The following UBAP2 variants were observed in gnomAD, a reference collection of about 807,000 sequenced individuals.
UBAP2 encodes the protein ubiquitin-associated protein 2.
Under a neutral mutation model 139.6 loss-of-function variants are expected in UBAP2, and 75 were observed. That is an observed-to-expected ratio of 0.54 (90% CI 0.45 to 0.65). The LOEUF (loss-of-function observed/expected upper bound fraction) is 0.65. Among genes scored for constraint, UBAP2 ranks in the 30% least tolerant of loss-of-function variants. The pLI is 0.00. For synonymous variants in UBAP2, 526 were observed against 526.2 expected (o/e 1.00, Z 0.01); for missense variants, 1,368 against 1,369.6 (o/e 1.00, Z 0.02).
At chr9:34,035,563 AT>A (rs1410789645) in intron 1 of UBAP2, among the ~76,000 whole-genome samples, 3 of 134,856 alleles carry the variant, frequency 2.2e-5, no homozygotes, top group African/African-American at 8.0e-5. Flanking sequence ...CGTGCCTGTA[AT>A]TCCAACTACT....
At chr9:33,984,934 C>T (rs1821076167) in intron 6 of UBAP2, among the ~76,000 whole-genome samples, 1 of 152,152 alleles carries the variant, frequency 6.6e-6, no homozygotes, top group African/African-American at 2.4e-5. Context: ...ATGATCATGA[C>T]ACTGCATTTA....
intron 16 of UBAP2, among the ~76,000 whole-genome samples, chr9:33,938,019 A>G (rs1824749543): frequency 6.6e-6 from 1 of 152,042 alleles, no homozygotes; most frequent in South Asian, 2.1e-4. Flanking sequence ...TTGTTTTGAG[A>G]CAGTGTCTGG....
intron 5 of UBAP2, among the ~76,000 whole-genome samples, chr9:33,987,918 C>T (rs899598870): frequency 2.6e-5 from 4 of 152,234 alleles, no homozygotes; most frequent in Admixed American, 6.5e-5. Context: ...GATGCCAACA[C>T]GCAGTCTTTT....
intron 1 of UBAP2, among the ~76,000 whole-genome samples, chr9:34,025,500 GAT>G (rs1423286148): frequency 6.6e-6 from 1 of 152,136 alleles, no homozygotes; most frequent in Middle Eastern, 3.2e-3. Flanking sequence ...GTGAATTAAA[GAT>G]GTGATAGATT....
rs56410139 is a variant in UBAP2, at chr9:33,938,603, C to G, written c.1930-2725G>C. On this transcript the variant is annotated intron_variant, in intron 16 of 28. Transcript: ENST00000379238. ...CCTGAGGTCAGGAGTTCGAGACCAGCCTGGGCAACATGGTGAAACCCTGTC... is the reference window on the plus strand; with the variant it reads ...CCTGAGGTCAGGAGTTCGAGACCAGGCTGGGCAACATGGTGAAACCCTGTC... 2.5e-4 allele frequency among the ~76,000 whole-genome samples: 38 copies of G among 152,152 alleles called. 1 individual carries two copies. Among genetic ancestry groups the G allele is most frequent in the African/African-American group, 8.7e-4 (36 of 41,524 alleles).
At chr9:33,976,502 G>A (rs1205931417) in intron 6 of UBAP2, among the ~76,000 whole-genome samples, 2 of 152,126 alleles carry the variant, frequency 1.3e-5, no homozygotes, top group Non-Finnish European at 2.9e-5. Context: ...GAAACAGAAA[G>A]GCGATTACTG....
intron 2 of UBAP2, among the ~76,000 whole-genome samples, chr9:34,000,262 GCAC>G (rs1396283829): frequency 2.6e-5 from 4 of 152,076 alleles, no homozygotes; most frequent in African/African-American, 4.8e-5. Flanking sequence ...CTACAGGTGC[GCAC>G]CACCACATCT....
At chr9:34,030,567 A>G (rs1044222879) in intron 1 of UBAP2, among the ~76,000 whole-genome samples, 2 of 152,148 alleles carry the variant, frequency 1.3e-5, no homozygotes, top group Admixed American at 6.6e-5. Context: ...AGGCTGCAGT[A>G]TGCCGTGATC....
At chr9:33,940,778 TC>T (rs1296315530) in intron 16 of UBAP2, among the ~76,000 whole-genome samples, 2 of 152,036 alleles carry the variant, frequency 1.3e-5, no homozygotes, top group Admixed American at 1.3e-4. Flanking sequence ...GAACCTGTAC[TC>T]CCCCAAAAAA....
At chr9:33,936,096 C>G (rs1020790082) in intron 16 of UBAP2, among the ~76,000 whole-genome samples, 1 of 152,220 alleles carries the variant, frequency 6.6e-6, no homozygotes, top group Admixed American at 6.5e-5. Context: ...TGATCCTCCC[C>G]CTTAGCCTGC....
chr9:33,986,796 T>C lies in UBAP2; in HGVS notation c.484A>G (p.Lys162Glu). The change falls in exon 6 of 29, where the codon AAA becomes GAA. Residue 162 changes from lysine to glutamate, a missense_variant. Transcript: ENST00000379238. ...ENGIDCNQVD[K>E]PSDRGKRARG... ...GCTCGCTTGCCACGATCTGAAGGTTTGTCCACTTGATTGCAATCAATTCCA... is the reference window on the plus strand; with the variant it reads ...GCTCGCTTGCCACGATCTGAAGGTTCGTCCACTTGATTGCAATCAATTCCA... 6.2e-7 allele frequency: 1 copy of C among 1,614,180 alleles called. No homozygotes were observed. The highest frequency in any genetic ancestry group is 8.5e-7 in the Non-Finnish European group (1 of 1,180,034).
At chr9:33,969,565 GAA>G (rs34707704) in intron 8 of UBAP2, among the ~76,000 whole-genome samples, 47,831 of 148,368 alleles carry the variant, frequency 0.32, 8,226 homozygotes, top group African/African-American at 0.46. Context: ...AAAAAAAAAA[GAA>G]AGAAAGAAAG....
intron 11 of UBAP2, among the ~76,000 whole-genome samples, chr9:33,954,526 T>C (rs527416024): frequency 3.9e-5 from 6 of 152,212 alleles, no homozygotes; most frequent in African/African-American, 1.4e-4. Flanking sequence ...ATGAATGCCA[T>C]TGAATCCTTT....
At chr9:33,933,991 G>A (rs1411779301) in intron 17 of UBAP2, 3 of 189,680 alleles carry the variant, frequency 1.6e-5, no homozygotes, top group Admixed American at 1.6e-4. Flanking sequence ...ATTATAACGT[G>A]AGGCAAACTC....
chr9:33,993,401 C>T (rs1484544083), intron 4 of UBAP2, among the ~76,000 whole-genome samples: 3 of 152,156 alleles, frequency 2.0e-5, no homozygotes, highest in African/African-American at 2.4e-5. Flanking sequence ...AGAGATGAGG[C>T]AAACAGTATG....
chr9:33,931,647 A>AC (rs1213471654), intron 19 of UBAP2, among the ~76,000 whole-genome samples: 1 of 152,206 alleles, frequency 6.6e-6, no homozygotes, highest in Non-Finnish European at 1.5e-5. Context: ...GTAAGGTTTG[A>AC]CTTGGAACAC....
chr9:33,930,668 C>T (rs1587509759), intron 19 of UBAP2, among the ~76,000 whole-genome samples: 1 of 151,958 alleles, frequency 6.6e-6, no homozygotes, highest in African/African-American at 2.4e-5. Context: ...GAGGCCGAGG[C>T]GGGTGGATTA....
intron 12 of UBAP2, among the ~76,000 whole-genome samples, chr9:33,949,190 AAAAAT>A (rs150840669): frequency 2.1e-4 from 31 of 150,762 alleles, no homozygotes; most frequent in East Asian, 1.2e-3. Context: ...ATAAATAAAT[AAAAAT>A]AAAATAAAAT....
At chr9:33,994,130 G>A (rs760227452) in intron 4 of UBAP2, among the ~76,000 whole-genome samples, 7 of 151,910 alleles carry the variant, frequency 4.6e-5, no homozygotes, top group Non-Finnish European at 8.8e-5. Flanking sequence ...TCCTGACCTC[G>A]TGATCTGCCC....
Sources: gnomAD v4.1 joint callset for allele counts (sites outside exome capture counted in the v4.1 genomes callset) on GRCh38, gnomAD v4.1.1 for gene constraint, MANE v1.5 for transcripts, NCBI Gene and HGNC (gene_info 2026-07-23, HGNC 2026-07-21) for gene names.